The following UNC13C variants were observed in gnomAD, a reference collection of about 807,000 sequenced individuals.
UNC13C encodes protein unc-13 homolog C.
UNC13C carries 174 observed loss-of-function variants against 245.4 expected under a neutral mutation model. That is an observed-to-expected ratio of 0.71 (90% CI 0.63 to 0.80). UNC13C has a LOEUF of 0.80. Among genes scored for constraint, UNC13C ranks in the 30% least tolerant of loss-of-function variants. The pLI is 0.00. For synonymous variants in UNC13C, 992 were observed against 895.1 expected (o/e 1.11, Z -1.93); for missense variants, 2,829 against 2,602.9 (o/e 1.09, Z -1.89).
At chr15:54,463,056 A>C (rs1368780428) in intron 19 of UNC13C, among the ~76,000 whole-genome samples, 4 of 151,760 alleles carry the variant, frequency 2.6e-5, no homozygotes, top group African/African-American at 7.3e-5. Flanking sequence ...TAAATGCACC[A>C]ATCAGTGCTC....
chr15:54,570,376 T>C (rs16974840), intron 30 of UNC13C, among the ~76,000 whole-genome samples: 1 of 152,136 alleles, frequency 6.6e-6, no homozygotes, highest in African/African-American at 2.4e-5. Context: ...TTTCAAATTG[T>C]TGGTGGTAAT....
At chr15:54,226,841 G>T (rs542306563) in intron 4 of UNC13C, among the ~76,000 whole-genome samples, 1 of 152,272 alleles carries the variant, frequency 6.6e-6, no homozygotes, top group South Asian at 2.1e-4. Context: ...GTGCCTGGAA[G>T]CTTGGAGACA....
the UNC13C span, among the ~76,000 whole-genome samples, chr15:53,879,141 C>T: frequency 7.9e-5 from 12 of 152,052 alleles, no homozygotes; most frequent in South Asian, 2.1e-4. Context: ...TAAATGGGTT[C>T]GATATTAATT....
intron 17 of UNC13C, among the ~76,000 whole-genome samples, chr15:54,343,422 C>G (rs183959737): frequency 5.9e-5 from 9 of 152,134 alleles, no homozygotes; most frequent in South Asian, 4.1e-4. Flanking sequence ...CGTGAGCCAC[C>G]GCGCCTGGCC....
intron 1 of UNC13C, among the ~76,000 whole-genome samples, chr15:54,011,190 A>G (rs2140988209): frequency 6.6e-6 from 1 of 152,296 alleles, no homozygotes; most frequent in South Asian, 2.1e-4. Flanking sequence ...GAATACGAGC[A>G]AGTGAGTTCG....
intron 17 of UNC13C, among the ~76,000 whole-genome samples, chr15:54,370,511 A>G (rs1053685970): frequency 2.0e-5 from 3 of 152,192 alleles, no homozygotes; most frequent in African/African-American, 4.8e-5. Flanking sequence ...GAGCAATCTG[A>G]CAGTTATATC....
At position 54,124,115 on chromosome 15, in the gene UNC13C, G is replaced by T. The variant is rs539866482; in HGVS notation, c.2984-18903G>T. On this transcript the variant is annotated intron_variant, in intron 2 of 32. Transcript: ENST00000260323. The stretch of plus-strand genomic sequence containing the variant: ...TATTGATCTGTTAATGAAAATTTTG[G>T]ATATTTCCAGTTTGGGTTATTAAAA... Among the ~76,000 whole-genome samples the T allele has an allele frequency of 2.0e-5, 3 of 152,202 alleles. No homozygotes were observed. The East Asian group carries it at 5.8e-4, about 29-fold the overall frequency.
At chr15:54,408,214 A>C (rs1404968712) in intron 18 of UNC13C, among the ~76,000 whole-genome samples, 1 of 146,690 alleles carries the variant, frequency 6.8e-6, no homozygotes, top group East Asian at 2.0e-4. Flanking sequence ...AAAAAAAAAA[A>C]AAAAAAAAAA....
At chr15:54,040,213 A>T (rs1365229278) in intron 2 of UNC13C, among the ~76,000 whole-genome samples, 2 of 152,138 alleles carry the variant, frequency 1.3e-5, no homozygotes, top group Non-Finnish European at 2.9e-5. Flanking sequence ...GACAGGGTAA[A>T]TGCAACTAGT....
chr15:53,999,470 C>T (rs991735717), intron 1 of UNC13C, among the ~76,000 whole-genome samples: 3 of 151,810 alleles, frequency 2.0e-5, no homozygotes, highest in Non-Finnish European at 2.9e-5. Flanking sequence ...TACTTATATT[C>T]TGTCTTTCAG....
At chr15:54,075,875 A>G (rs1898585479) in intron 2 of UNC13C, among the ~76,000 whole-genome samples, 1 of 152,112 alleles carries the variant, frequency 6.6e-6, no homozygotes, top group East Asian at 1.9e-4. Context: ...ATGAACATGC[A>G]AATCAAAATA....
At chr15:54,463,899 G>C (rs190175598) in intron 19 of UNC13C, among the ~76,000 whole-genome samples, 189 of 152,326 alleles carry the variant, frequency 1.2e-3, no homozygotes, top group African/African-American at 4.4e-3. Flanking sequence ...GGCTGAAGTG[G>C]AAGAAGGGAC....
At chr15:54,081,315 G>A (rs1409335921) in intron 2 of UNC13C, among the ~76,000 whole-genome samples, 2 of 152,112 alleles carry the variant, frequency 1.3e-5, no homozygotes, top group Non-Finnish European at 2.9e-5. Flanking sequence ...ATTTGGACAA[G>A]AGTCCAATTT....
chr15:54,243,167 T>A (rs1424761548), intron 7 of UNC13C, among the ~76,000 whole-genome samples: 1 of 139,040 alleles, frequency 7.2e-6, no homozygotes, highest in African/African-American at 2.7e-5. Flanking sequence ...CCATTGTGTG[T>A]TATTCCCCGC....
At chr15:53,848,410 A>G in the UNC13C span, among the ~76,000 whole-genome samples, 2 of 152,120 alleles carry the variant, frequency 1.3e-5, no homozygotes, top group East Asian at 3.9e-4. Context: ...TTTAATTTCA[A>G]ATATGTATTT....
the UNC13C span, among the ~76,000 whole-genome samples, chr15:53,943,136 A>G: frequency 6.6e-6 from 1 of 152,150 alleles, no homozygotes; most frequent in East Asian, 1.9e-4. Flanking sequence ...CTCCATTCCA[A>G]CCTCCATTTT....
intron 2 of UNC13C, among the ~76,000 whole-genome samples, chr15:54,052,906 A>G (rs1230862044): frequency 6.6e-6 from 1 of 152,258 alleles, no homozygotes; most frequent in Non-Finnish European, 1.5e-5. Context: ...ATAGAAAAGT[A>G]TTAGGTTGGT....
intron 10 of UNC13C, among the ~76,000 whole-genome samples, chr15:54,272,152 A>T (rs2036703555): frequency 6.6e-6 from 1 of 152,150 alleles, no homozygotes; most frequent in African/African-American, 2.4e-5. Context: ...AGACAGTAAC[A>T]CTAAACTCAT....
chr15:54,072,771 AT>A (rs1206726129), intron 2 of UNC13C, among the ~76,000 whole-genome samples: 1 of 152,182 alleles, frequency 6.6e-6, no homozygotes, highest in African/African-American at 2.4e-5. Context: ...ATAAAAGAAC[AT>A]TTTACTACTT....
Sources: allele counts gnomAD v4.1 joint callset (sites outside exome capture counted in the v4.1 genomes callset), GRCh38; gene constraint gnomAD v4.1.1; transcripts MANE v1.5; gene names NCBI Gene and HGNC (gene_info 2026-07-23, HGNC 2026-07-21).